Variants in PDE1C observed in about 807,000 individuals in gnomAD.
The protein encoded by PDE1C is phosphodiesterase 1C.
Under a neutral mutation model 93.1 loss-of-function variants are expected in PDE1C, and 62 were observed. The observed-to-expected ratio is 0.67, with a 90% CI of 0.54 to 0.82. The LOEUF is 0.82. Among genes scored for constraint, PDE1C ranks in the 40% least tolerant of loss-of-function variants. The pLI is 0.00. For missense variants in PDE1C, 742 were observed against 884.6 expected (o/e 0.84, Z 2.04); for synonymous variants, 325 against 310.1 (o/e 1.05, Z -0.50).
chr7:32,009,488 T>A (rs1429343020), intron 2 of PDE1C, among the ~76,000 whole-genome samples: 1 of 152,166 alleles, frequency 6.6e-6, no homozygotes, highest in Non-Finnish European at 1.5e-5. Flanking sequence ...AACATCTGAG[T>A]GAGTAGTTAT....
intron 1 of PDE1C, among the ~76,000 whole-genome samples, chr7:32,321,803 C>T (rs1414291851): frequency 6.6e-6 from 1 of 152,160 alleles, no homozygotes; most frequent in African/African-American, 2.4e-5. Flanking sequence ...ACCTATCTAT[C>T]CACATTCTAC....
intron 2 of PDE1C, among the ~76,000 whole-genome samples, chr7:31,894,441 G>A (rs1799018824): frequency 6.6e-6 from 1 of 152,164 alleles, no homozygotes; most frequent in East Asian, 1.9e-4. Flanking sequence ...AACAAAATAA[G>A]CATATTTGCT....
At chr7:32,014,268 G>C (rs1203772486) in intron 2 of PDE1C, among the ~76,000 whole-genome samples, 1 of 149,952 alleles carries the variant, frequency 6.7e-6, no homozygotes, top group African/African-American at 2.5e-5. Flanking sequence ...TCAGTAAGAA[G>C]ATAGTCTGAA....
chr7:32,278,834 T>C (rs1167572324), intron 1 of PDE1C, among the ~76,000 whole-genome samples: 1 of 152,160 alleles, frequency 6.6e-6, no homozygotes, highest in Non-Finnish European at 1.5e-5. Flanking sequence ...GGGCACAAAG[T>C]AACCGATAAT....
intron 3 of PDE1C, among the ~76,000 whole-genome samples, chr7:32,158,594 G>A (rs74598967): frequency 0.018 from 2,704 of 152,238 alleles, 82 homozygotes; most frequent in African/African-American, 0.057. Context: ...AATTGTCCAC[G>A]TACTTCCTCC....
Position 31,886,775 on chromosome 7 carries a change from T to TTTTC in PDE1C, c.129-5916_129-5915insGAAA, listed in dbSNP as rs1347917449. ...CTGAAGGCAGTGATCTATTCAGATC[T>TTTTC]ATTCAGAATAGATCTTTTCGGATCT... On this transcript the variant is annotated intron_variant, in intron 2 of 17. Coordinates refer to ENST00000396191, the MANE Select transcript of PDE1C (RefSeq NM_001191057.4). 4.7e-3 allele frequency among the ~76,000 whole-genome samples: 696 copies of TTTTC among 148,808 alleles called. 42 individuals carry two copies. Among genetic ancestry groups the TTTTC allele is most frequent in the Middle Eastern group, 0.018 (5 of 282 alleles).
chr7:31,723,971 TTCTATATCATCTCAGGGTCAGGG>T, the PDE1C span, among the ~76,000 whole-genome samples: 1 of 152,250 alleles, frequency 6.6e-6, no homozygotes, highest in Admixed American at 6.5e-5. Context: ...TCCTTCTTAC[TTCTATATCATCTCAGGGTCAGGG>T]TCAGGAAAAG....
chr7:32,220,668 A>G (rs1405425997), intron 1 of PDE1C, among the ~76,000 whole-genome samples: 1 of 152,136 alleles, frequency 6.6e-6, no homozygotes, highest in Non-Finnish European at 1.5e-5. Flanking sequence ...ATATAAAAAA[A>G]ATAGCTGGGC....
At position 32,016,612 on chromosome 7, in the gene PDE1C, G is replaced by A. The variant is rs369609106; in HGVS notation, c.128+34942C>T. On this transcript the variant is annotated intron_variant, in intron 2 of 17. Transcript: ENST00000396191. The stretch of plus-strand genomic sequence containing the variant: ...TGAAAAACTCAGAAGCAACCTGACT[G>A]CCCAATAACAGTGGAATGGTTAAAT... Among the ~76,000 whole-genome samples, 15 of 152,250 alleles carry A rather than the reference G, an allele frequency of 9.9e-5. 3 individuals are homozygous for A. The highest frequency in any genetic ancestry group is 6.5e-5 in the Admixed American group (1 of 15,284).
chr7:31,973,591 T>C (rs181525469), intron 2 of PDE1C, among the ~76,000 whole-genome samples: 6 of 152,330 alleles, frequency 3.9e-5, no homozygotes, highest in Admixed American at 3.9e-4. Flanking sequence ...ACAAGCCCTT[T>C]GACAAATATT....
chr7:32,153,441 C>T (rs1384453465), intron 3 of PDE1C, among the ~76,000 whole-genome samples: 3 of 152,046 alleles, frequency 2.0e-5, no homozygotes, highest in South Asian at 4.2e-4. Flanking sequence ...AGAGGCAGCA[C>T]CCGTCAAGGC....
chr7:32,376,686 T>G (rs1238778366), intron 1 of PDE1C, among the ~76,000 whole-genome samples: 2 of 152,140 alleles, frequency 1.3e-5, no homozygotes, highest in Non-Finnish European at 2.9e-5. Flanking sequence ...AATAGTATGA[T>G]TTCCCCTTTC....
chr7:32,399,092 CTA>C (rs1734995224), intron 1 of PDE1C, among the ~76,000 whole-genome samples: 1 of 152,154 alleles, frequency 6.6e-6, no homozygotes, highest in African/African-American at 2.4e-5. Flanking sequence ...ACACAGTGAA[CTA>C]TGTCACTATT....
At chr7:31,793,105 C>T (rs566486502) in intron 16 of PDE1C, among the ~76,000 whole-genome samples, 17 of 152,010 alleles carry the variant, frequency 1.1e-4, no homozygotes, top group African/African-American at 2.2e-4. Flanking sequence ...AAATGGGAGA[C>T]GGACTTAAAA....
chr7:31,837,140 C>T (rs1159381959), intron 11 of PDE1C, 40 bp downstream of exon 11: 1 of 1,589,758 alleles, frequency 6.3e-7, no homozygotes, highest in Non-Finnish European at 8.6e-7. Flanking sequence ...ATAAAATATC[C>T]AATGATGACA....
At chr7:32,262,078 G>A (rs1200406369) in intron 1 of PDE1C, among the ~76,000 whole-genome samples, 1 of 148,252 alleles carries the variant, frequency 6.7e-6, no homozygotes, top group African/African-American at 2.5e-5. Context: ...CAAAAACCAG[G>A]TAGAGGGGTA....
intron 3 of PDE1C, among the ~76,000 whole-genome samples, chr7:32,128,906 A>AATATATATATATATATATAT (rs763801947): frequency 1.8e-5 from 1 of 56,000 alleles, no homozygotes; most frequent in Non-Finnish European, 3.3e-5. Context: ...AAGTATAACA[A>AATATATATATATATATATAT]ATATATATAT....
chr7:32,193,579 T>C (rs749650952), intron 2 of PDE1C, among the ~76,000 whole-genome samples: 11 of 152,204 alleles, frequency 7.2e-5, no homozygotes, highest in Non-Finnish European at 1.5e-4. Flanking sequence ...TTTTTGCATC[T>C]ATATTAATGA....
chr7:32,421,325 G>A (rs530811383), intron 1 of PDE1C, among the ~76,000 whole-genome samples: 50 of 152,252 alleles, frequency 3.3e-4, no homozygotes, highest in African/African-American at 1.2e-3. Flanking sequence ...CCTCACTCCA[G>A]TTATTGTTTA....
Sources: allele counts gnomAD v4.1 joint callset (sites outside exome capture counted in the v4.1 genomes callset), GRCh38; gene constraint gnomAD v4.1.1; transcripts MANE v1.5; gene names NCBI Gene and HGNC (gene_info 2026-07-23, HGNC 2026-07-21).